LRFN2: variants seen among roughly 807,000 people sequenced by gnomAD.
LRFN2 encodes leucine-rich repeat and fibronectin type-III domain-containing protein 2.
A neutral mutation model predicts 37.3 loss-of-function variants in LRFN2; 18 were observed. The observed-to-expected ratio is 0.48, with a 90% CI of 0.33 to 0.72. The LOEUF is 0.72. Ranked by LOEUF, LRFN2 falls within the 30% of genes least tolerant of loss-of-function variation. The probability of loss-of-function intolerance (pLI) is 0.02; values close to 1 mark genes in which losing one functional copy is unlikely to be tolerated. For missense variants in LRFN2, 1,006 were observed against 1,060.7 expected (o/e 0.95, Z 0.72); for synonymous variants, 556 against 466.6 (o/e 1.19, Z -2.47).
intron 1 of LRFN2, among the ~76,000 whole-genome samples, chr6:40,577,823 A>T (rs375843494): frequency 1.0e-5 from 1 of 95,576 alleles, no homozygotes; most frequent in African/African-American, 4.2e-5. Context: ...ATTAAAAAAA[A>T]TAAAAATAAA....
At chr6:40,502,461 CAGG>C (rs1436103334) in intron 1 of LRFN2, 2 of 152,180 alleles carry the variant, frequency 1.3e-5, no homozygotes, top group Non-Finnish European at 2.9e-5. Flanking sequence ...CCTATGTCTA[CAGG>C]AGGAGTGCGC....
intron 1 of LRFN2, among the ~76,000 whole-genome samples, chr6:40,540,474 G>A (rs748553383): frequency 6.6e-6 from 1 of 152,074 alleles, no homozygotes; most frequent in African/African-American, 2.4e-5. Context: ...CCACCACAGG[G>A]GCGGGGAGCA....
At chr6:40,551,350 C>T (rs965978241) in intron 1 of LRFN2, among the ~76,000 whole-genome samples, 3 of 152,134 alleles carry the variant, frequency 2.0e-5, no homozygotes, top group Non-Finnish European at 4.4e-5. Flanking sequence ...CCAGGGAGGA[C>T]GTCAGCTCGA....
intron 1 of LRFN2, among the ~76,000 whole-genome samples, chr6:40,544,918 A>G (rs58923816): frequency 0.021 from 3,189 of 152,314 alleles, 109 homozygotes; most frequent in African/African-American, 0.07. Context: ...TGTGATGATT[A>G]GGATAATGGC....
At chr6:40,531,130 C>T (rs1766333908) in intron 1 of LRFN2, among the ~76,000 whole-genome samples, 1 of 152,146 alleles carries the variant, frequency 6.6e-6, no homozygotes, top group Non-Finnish European at 1.5e-5. Flanking sequence ...CTGGTTGCTC[C>T]CCGAACTGGG....
At chr6:40,402,297 C>G (rs112492279) in intron 2 of LRFN2, among the ~76,000 whole-genome samples, 2 of 152,176 alleles carry the variant, frequency 1.3e-5, no homozygotes, top group African/African-American at 4.8e-5. Flanking sequence ...AGAACCCCTG[C>G]TCAAGCTCAC....
chr6:40,402,868 C>T (rs749155160), intron 2 of LRFN2, among the ~76,000 whole-genome samples: 21 of 152,156 alleles, frequency 1.4e-4, no homozygotes, highest in Admixed American at 2.6e-4. Context: ...TACTTCGGGA[C>T]GCATGCTCCT....
intron 2 of LRFN2, among the ~76,000 whole-genome samples, chr6:40,399,426 C>CTTT (rs61458320): frequency 1.5e-5 from 2 of 134,394 alleles, no homozygotes; most frequent in South Asian, 2.3e-4. Flanking sequence ...TTTTTCTTTT[C>CTTT]TTTTTTTTTT....
intron 1 of LRFN2, among the ~76,000 whole-genome samples, chr6:40,506,253 G>A (rs1488455136): frequency 6.6e-6 from 1 of 152,080 alleles, no homozygotes; most frequent in African/African-American, 2.4e-5. Context: ...CATGGAACCT[G>A]GCAGTCCCAC....
intron 2 of LRFN2, among the ~76,000 whole-genome samples, chr6:40,408,938 C>G (rs1384537888): frequency 3.3e-5 from 5 of 152,224 alleles, no homozygotes; most frequent in African/African-American, 1.2e-4. Context: ...AAGGTGCCAG[C>G]ATTTGGTCTG....
chr6:40,578,056 C>A (rs1767328670), intron 1 of LRFN2, among the ~76,000 whole-genome samples: 1 of 152,072 alleles, frequency 6.6e-6, no homozygotes, highest in Non-Finnish European at 1.5e-5. Context: ...CATTCAACAA[C>A]CCTATAAAGT....
chr6:40,468,696 G>A (rs1307285073), intron 1 of LRFN2, among the ~76,000 whole-genome samples: 1 of 152,184 alleles, frequency 6.6e-6, no homozygotes, highest in Non-Finnish European at 1.5e-5. Context: ...AGGAGCATGG[G>A]GGCTTATCCA....
chr6:40,471,142 G>A (rs1253949114), intron 1 of LRFN2, among the ~76,000 whole-genome samples: 1 of 152,148 alleles, frequency 6.6e-6, no homozygotes, highest in Non-Finnish European at 1.5e-5. Flanking sequence ...CTGCTGGCAG[G>A]GGTACGGATG....
intron 1 of LRFN2, among the ~76,000 whole-genome samples, chr6:40,434,633 T>C (rs755540481): frequency 3.3e-5 from 5 of 151,930 alleles, no homozygotes; most frequent in Admixed American, 6.6e-5. Flanking sequence ...CACACCACCA[T>C]GCCCAGCTAA....
In LRFN2 at chr6:40,479,876, C is replaced by T. The variant is rs566786003; in HGVS notation, c.-18-46745G>A. Among the ~76,000 whole-genome samples, 81 of 152,366 alleles carry T rather than the reference C, an allele frequency of 5.3e-4. 6 individuals are homozygous for T. In the South Asian group the frequency reaches 0.016, roughly 30 times the overall value. ...GCCCTGCCAGCCCTAAGAATCTGTGCTGCTGTGAAATAAGTTTGGAAAAAA... is the reference window on the plus strand; with the variant it reads ...GCCCTGCCAGCCCTAAGAATCTGTGTTGCTGTGAAATAAGTTTGGAAAAAA... On this transcript the variant is annotated intron_variant, in intron 1 of 2. Coordinates refer to ENST00000338305, the MANE Select transcript of LRFN2 (RefSeq NM_020737.3).
intron 1 of LRFN2, among the ~76,000 whole-genome samples, chr6:40,462,614 G>A (rs184161019): frequency 1.1e-3 from 161 of 152,300 alleles, no homozygotes; most frequent in African/African-American, 3.6e-3. Flanking sequence ...ATGGGGCCAC[G>A]ATGAATACAA....
At chr6:40,543,180 TG>T (rs1766589683) in intron 1 of LRFN2, among the ~76,000 whole-genome samples, 1 of 152,236 alleles carries the variant, frequency 6.6e-6, no homozygotes, top group Non-Finnish European at 1.5e-5. Flanking sequence ...CTGCAATGCA[TG>T]AACGCCTTCC....
chr6:40,392,018 G>A lies in LRFN2; in HGVS notation c.2295C>T (p.Pro765=). 6.2e-7 allele frequency: 1 copy of A among 1,613,002 alleles called. No homozygotes were observed. The highest frequency in any genetic ancestry group is 1.7e-4 in the Middle Eastern group (1 of 6,058). Residue 765 remains proline (P), a synonymous_variant, in exon 3 of 3, where the codon CCC becomes CCT. Transcript: ENST00000338305. The surrounding 1 kb of genome is among the most constrained non-coding windows in gnomAD (Gnocchi z 4.7). ...RSLSVNGMLL[P]FEESDLVGAR... ...CCCCCACCAGGTCACTCTCCTCAAA[G>A]GGCAAGAGCATGCCGTTGACAGAGA...
intron 1 of LRFN2, among the ~76,000 whole-genome samples, chr6:40,560,303 T>C (rs1158815318): frequency 1.3e-5 from 2 of 152,146 alleles, no homozygotes; most frequent in Non-Finnish European, 2.9e-5. Flanking sequence ...TCAGGGATCA[T>C]GTGTTCAAGG....
Sources: gnomAD v4.1 joint callset for allele counts (sites outside exome capture counted in the v4.1 genomes callset) on GRCh38, gnomAD v4.1.1 for gene constraint, Gnocchi (gnomAD v3.1) non-coding constraint, MANE v1.5 for transcripts, NCBI Gene and HGNC (gene_info 2026-07-23, HGNC 2026-07-21) for gene names.